RPS6KC1: variants seen among roughly 807,000 people sequenced by gnomAD.
RPS6KC1 encodes the protein ribosomal protein S6 kinase C1.
A neutral mutation model predicts 103.8 loss-of-function variants in RPS6KC1; 54 were observed. That is an observed-to-expected ratio of 0.52 (90% CI 0.42 to 0.65). The LOEUF (loss-of-function observed/expected upper bound fraction) is 0.65. Ranked by LOEUF, RPS6KC1 falls within the 30% of genes least tolerant of loss-of-function variation. The pLI is 0.00. For synonymous variants in RPS6KC1, 439 were observed against 438.7 expected (o/e 1.00, Z -0.01); for missense variants, 1,151 against 1,253.8 (o/e 0.92, Z 1.24).
chr1:213,582,055 T>C, the RPS6KC1 span, among the ~76,000 whole-genome samples: 1 of 151,532 alleles, frequency 6.6e-6, no homozygotes, highest in Non-Finnish European at 1.5e-5. Flanking sequence ...GTATTTGTGT[T>C]CCTAAAAACT....
the RPS6KC1 span, among the ~76,000 whole-genome samples, chr1:213,659,633 CA>C: frequency 6.6e-6 from 1 of 150,514 alleles, no homozygotes; most frequent in Non-Finnish European, 1.5e-5. Flanking sequence ...CTCTTGTATT[CA>C]GGGTTTTTTT....
At chr1:213,228,177 A>G (rs1054054115) in intron 8 of RPS6KC1, among the ~76,000 whole-genome samples, 1 of 152,210 alleles carries the variant, frequency 6.6e-6, no homozygotes, top group Admixed American at 6.5e-5. Flanking sequence ...CTAGAGTGAC[A>G]TTTGTGCTGC....
chr1:213,731,060 C>T, the RPS6KC1 span, among the ~76,000 whole-genome samples: 1,044 of 152,208 alleles, frequency 6.9e-3, 9 homozygotes, highest in African/African-American at 0.016. Context: ...TTAGGCTTGT[C>T]GAAGATCAGA....
the RPS6KC1 span, among the ~76,000 whole-genome samples, chr1:213,553,599 A>G: frequency 3.3e-5 from 5 of 152,242 alleles, no homozygotes; most frequent in Admixed American, 3.3e-4. Context: ...TTTCCGTAGT[A>G]CTCAATGTAC....
At chr1:213,781,917 T>G in the RPS6KC1 span, among the ~76,000 whole-genome samples, 1 of 152,198 alleles carries the variant, frequency 6.6e-6, no homozygotes, top group African/African-American at 2.4e-5. Flanking sequence ...GAACCATTTT[T>G]GTGTTGCTGT....
chr1:213,517,179 C>A, the RPS6KC1 span, among the ~76,000 whole-genome samples: 2 of 118,762 alleles, frequency 1.7e-5, no homozygotes, highest in African/African-American at 5.5e-5. Context: ...AAAAAACCAG[C>A]TCCTGGATTC....
At chr1:213,292,546 A>G in the RPS6KC1 span, among the ~76,000 whole-genome samples, 2 of 152,134 alleles carry the variant, frequency 1.3e-5, no homozygotes, top group African/African-American at 4.8e-5. Flanking sequence ...CCCTCCTGGC[A>G]TCTTCATAGG....
At chr1:213,726,782 A>G in the RPS6KC1 span, among the ~76,000 whole-genome samples, 2 of 152,224 alleles carry the variant, frequency 1.3e-5, no homozygotes, top group African/African-American at 4.8e-5. Context: ...TATATGAAAC[A>G]TTATTAAAAT....
chr1:213,324,478 A>T, the RPS6KC1 span, among the ~76,000 whole-genome samples: 1 of 152,178 alleles, frequency 6.6e-6, no homozygotes, highest in African/African-American at 2.4e-5. Context: ...GAACTATGAG[A>T]AAATAAATGT....
chr1:213,187,591 T>C (rs1011636149), intron 8 of RPS6KC1, among the ~76,000 whole-genome samples: 1 of 152,084 alleles, frequency 6.6e-6, no homozygotes, highest in African/African-American at 2.4e-5. Context: ...GAGTTGCTTT[T>C]GTATGTTATC....
the RPS6KC1 span, among the ~76,000 whole-genome samples, chr1:213,858,499 A>G: frequency 3.9e-5 from 6 of 152,148 alleles, no homozygotes; most frequent in African/African-American, 1.4e-4. Context: ...GAGGTCAGTA[A>G]CAGTGGTCAA....
the RPS6KC1 span, among the ~76,000 whole-genome samples, chr1:213,701,930 G>A: frequency 1.3e-5 from 2 of 151,644 alleles, no homozygotes; most frequent in Admixed American, 6.6e-5. Flanking sequence ...CTGCTCTGAT[G>A]TTTGTTATTT....
At chr1:213,571,671 G>A in the RPS6KC1 span, among the ~76,000 whole-genome samples, 3 of 152,166 alleles carry the variant, frequency 2.0e-5, no homozygotes, top group Admixed American at 1.3e-4. Context: ...TTTGTCTGCC[G>A]GACTCCAAAG....
the RPS6KC1 span, among the ~76,000 whole-genome samples, chr1:213,523,729 A>T: frequency 6.6e-6 from 1 of 152,244 alleles, no homozygotes; most frequent in Admixed American, 6.5e-5. Flanking sequence ...GTGTAATTCA[A>T]ACTGCTGTAA....
At chr1:213,670,644 G>A in the RPS6KC1 span, among the ~76,000 whole-genome samples, 6 of 152,316 alleles carry the variant, frequency 3.9e-5, no homozygotes, top group South Asian at 2.1e-4. Flanking sequence ...GGGCCTGGCT[G>A]TGTTGACAAA....
intron 4 of RPS6KC1, among the ~76,000 whole-genome samples, chr1:213,107,739 G>A (rs564096156): frequency 6.6e-6 from 1 of 152,264 alleles, no homozygotes; most frequent in South Asian, 2.1e-4. Context: ...TTTTCCAAAC[G>A]GAAAATAGCC....
At chr1:213,087,658 C>G in intron 3 of RPS6KC1, among the ~76,000 whole-genome samples, 1 of 152,146 alleles carries the variant, frequency 6.6e-6, no homozygotes, top group East Asian at 1.9e-4. Context: ...GCATTGTTGC[C>G]AGAGCCATTC....
chr1:213,465,546 T>A, the RPS6KC1 span, among the ~76,000 whole-genome samples: 1 of 152,192 alleles, frequency 6.6e-6, no homozygotes, highest in Non-Finnish European at 1.5e-5. Context: ...CTCTCCCAGG[T>A]CACTCTAGGT....
chr1:213,644,165 T>G, the RPS6KC1 span, among the ~76,000 whole-genome samples: 1 of 152,116 alleles, frequency 6.6e-6, no homozygotes, highest in Non-Finnish European at 1.5e-5. Context: ...TAAAAATATT[T>G]TAAGTATATA....
Sources: allele counts gnomAD v4.1 joint callset (sites outside exome capture counted in the v4.1 genomes callset), GRCh38; gene constraint gnomAD v4.1.1; transcripts MANE v1.5; gene names NCBI Gene and HGNC (gene_info 2026-07-23, HGNC 2026-07-21).